Variants in GAL3ST2 observed in about 807,000 individuals in gnomAD.
GAL3ST2 encodes the protein galactose-3-O-sulfotransferase 2.
Under a neutral mutation model 12.9 loss-of-function variants are expected in GAL3ST2, and 16 were observed. That is an observed-to-expected ratio of 1.24 (90% CI 0.84 to 1.88). The LOEUF is 1.88. Among genes scored for constraint, GAL3ST2 ranks in the 40% most tolerant of loss-of-function variants. GAL3ST2 has a pLI of 0.00. For synonymous variants in GAL3ST2, 302 were observed against 273.9 expected, an observed-to-expected ratio of 1.10 and a Z score of -1.01; for missense variants, 639 against 571.8, an observed-to-expected ratio of 1.12 and a Z score of -1.20.
Position 241,801,765 on chromosome 2 carries a change from G to A in GAL3ST2, c.120-16G>A, listed in dbSNP as rs1260031123. 4 of 1,609,432 alleles carry A rather than the reference G, an allele frequency of 2.5e-6. No homozygotes were observed. The highest frequency in any genetic ancestry group is 3.4e-6 in the Non-Finnish European group (4 of 1,178,216). On this transcript the variant is annotated splice_polypyrimidine_tract_variant and intron_variant, in intron 2 of 3. Transcript: ENST00000192314. The surrounding 1 kb of genome is among the most constrained non-coding windows in gnomAD (Gnocchi z 4.4). The stretch of plus-strand genomic sequence containing the variant: ...TCTGCACCCTTGCTGAAGGCTGCGT[G>A]TGCCTTCCCTCCCAGCCTGTTTGGG...
intron 1 of GAL3ST2, among the ~76,000 whole-genome samples, chr2:241,782,628 G>A (rs554835938): frequency 3.2e-4 from 49 of 152,204 alleles, no homozygotes; most frequent in Admixed American, 2.6e-3. Context: ...GCCTGTCCCC[G>A]AGGGGTTGAA....
Position 241,804,035 on chromosome 2 carries a change from C to T in GAL3ST2, c.1066C>T (p.Pro356Ser). The change falls in exon 4 of 4, where the codon CCG (proline) becomes TCG (serine). Residue 356 changes from proline to serine, a missense_variant. By Grantham distance (74) the Pro-to-Ser change is moderately conservative (BLOSUM62 -1). Transcript: ENST00000192314. ...CGACATCCTGGGTTACAACCTCCGG[C>T]CGGGCCTGGACAACCAGACGCTGGG... The part of the protein sequence containing the change: ...KADILGYNLR[P>S]GLDNQTLGVC... The T allele has an allele frequency of 6.4e-7, 1 of 1,563,020 alleles. No homozygotes were observed. The highest frequency in any genetic ancestry group is 8.6e-7 in the Non-Finnish European group (1 of 1,156,306).
intron 1 of GAL3ST2, among the ~76,000 whole-genome samples, chr2:241,787,252 T>C (rs1030508073): frequency 1.3e-5 from 2 of 152,194 alleles, no homozygotes; most frequent in African/African-American, 2.4e-5. Context: ...ACACATGTGG[T>C]CAGGACTTCC....
At chr2:241,797,348 C>T (rs1427425799) in intron 1 of GAL3ST2, among the ~76,000 whole-genome samples, 2 of 152,168 alleles carry the variant, frequency 1.3e-5, no homozygotes, top group East Asian at 1.9e-4. Context: ...AGCCGATGTT[C>T]GTTATCGTGA....
chr2:241,801,176 T>C lies in GAL3ST2; in HGVS notation c.120-605T>C, dbSNP rs111941933. 0.15 allele frequency: 23,671 copies of C among 152,746 alleles called. 2,053 individuals are homozygous for C. Among genetic ancestry groups the C allele is most frequent in the African/African-American group, 0.22 (9,059 of 41,474 alleles). 9.5% of individuals were successfully genotyped at this position (152,746 alleles called of 1,614,324 possible). ...CCCTCTCTGTGTCCACGTGTTCTCA[T>C]TGTTCAAGTCCCACTTATGAGTGAG... is the stretch of plus-strand genomic sequence containing the variant. On this transcript the variant is annotated intron_variant, in intron 2 of 3. Transcript: ENST00000192314. The surrounding 1 kb of genome is among the most constrained non-coding windows in gnomAD (Gnocchi z 4.4).
chr2:241,801,650 C>T lies in GAL3ST2; in HGVS notation c.120-131C>T. 8.0e-6 allele frequency: 10 copies of T among 1,256,926 alleles called. No homozygotes were observed. In the South Asian group the frequency reaches 1.5e-4, roughly 19 times the overall value. 77.9% of individuals were successfully genotyped at this position (1,256,926 alleles called of 1,614,324 possible). On this transcript the variant is annotated intron_variant, in intron 2 of 3. Coordinates refer to ENST00000192314, the MANE Select transcript of GAL3ST2 (RefSeq NM_022134.3). The surrounding 1 kb of genome is among the most constrained non-coding windows in gnomAD (Gnocchi z 4.4). ...CATGGGTCGGTGCCTACCCAGTTGG[C>T]CCCCTGGCCTAGAGTTGGGGGGCTC... is the stretch of plus-strand genomic sequence containing the variant.
intron 2 of GAL3ST2, among the ~76,000 whole-genome samples, chr2:241,799,662 A>T (rs921727328): frequency 2.6e-5 from 4 of 152,130 alleles, no homozygotes; most frequent in African/African-American, 9.7e-5. Context: ...GGCTTTAGCC[A>T]GGCTGCTGGA....
intron 1 of GAL3ST2, among the ~76,000 whole-genome samples, chr2:241,783,690 T>C (rs1482476796): frequency 6.8e-6 from 1 of 146,994 alleles, no homozygotes; most frequent in African/African-American, 2.7e-5. Flanking sequence ...ATTTTAATCA[T>C]TTACTTATTT....
intron 1 of GAL3ST2, among the ~76,000 whole-genome samples, chr2:241,786,858 A>C (rs1189661408): frequency 6.6e-6 from 1 of 152,094 alleles, no homozygotes; most frequent in African/African-American, 2.4e-5. Flanking sequence ...ATAGGTCTAC[A>C]AAAGGAAAAT....
In GAL3ST2 at chr2:241,802,420, G is replaced by C. The variant is rs543516493; in HGVS notation, c.375+384G>C. ...CAGCATAGAGCCGGCTTCCCCCCAG[G>C]GCTTCCCTGACCTTCCTTACAAAGG... On this transcript the variant is annotated intron_variant, in intron 3 of 3. Transcript: ENST00000192314. This position sits in a 1 kb window ranked among gnomAD's most constrained non-coding sequence, Gnocchi z 4.8. Among the ~76,000 whole-genome samples, 100 of 152,286 alleles carry C rather than the reference G, an allele frequency of 6.6e-4. No homozygotes were observed. Among genetic ancestry groups the C allele is most frequent in the Non-Finnish European group, 1.1e-3 (77 of 68,006 alleles).
At chr2:241,803,323 C>T in intron 3 of GAL3ST2, 22 bp from the exon 4 acceptor site, 1 of 1,563,110 alleles carries the variant, frequency 6.4e-7, no homozygotes. Flanking sequence ...GGTCCGCAGC[C>T]CGCCTCTCTG....
chr2:241,785,371 A>C (rs191942753), intron 1 of GAL3ST2, among the ~76,000 whole-genome samples: 98 of 152,062 alleles, frequency 6.4e-4, no homozygotes, highest in Non-Finnish European at 9.9e-4. Flanking sequence ...GGCCAACATG[A>C]TGAAACCTTG....
In GAL3ST2 at chr2:241,803,614, C is replaced by G. The variant is rs765683875; in HGVS notation, c.645C>G (p.Ala215=). Reference sequence around the variant, plus strand: ...AGGGCTACGTGCGCGCGCGCATCGCCGAGGTGGAGCGGCGCTTCCGGCTGG... The same window carrying G: ...AGGGCTACGTGCGCGCGCGCATCGCGGAGGTGGAGCGGCGCTTCCGGCTGG... ...CEEGYVRARI[A]EVERRFRLVL... Residue 215 remains alanine, a synonymous_variant, in exon 4 of 4, where the codon GCC becomes GCG. Coordinates refer to ENST00000192314, the MANE Select transcript of GAL3ST2 (RefSeq NM_022134.3). 3.2e-6 allele frequency: 5 copies of G among 1,560,002 alleles called. No individual in the cohort carries two copies. Among genetic ancestry groups the G allele is most frequent in the East Asian group, 4.8e-5 (2 of 41,754 alleles).
intron 1 of GAL3ST2, among the ~76,000 whole-genome samples, chr2:241,787,034 A>T (rs1327302902): frequency 2.0e-5 from 3 of 152,176 alleles, no homozygotes; most frequent in Admixed American, 2.0e-4. Flanking sequence ...AGAGAGGGTA[A>T]TCAGAAACTC....
In GAL3ST2 at chr2:241,802,826, G is replaced by A. The variant is rs1473677124; in HGVS notation, c.376-519G>A. On this transcript the variant is annotated intron_variant, in intron 3 of 3. Transcript: ENST00000192314. This position sits in a 1 kb window ranked among gnomAD's most constrained non-coding sequence, Gnocchi z 4.8. ...CCAGGACCTCTGAGGGGGCACAAGC[G>A]AGGGTGAGTCCAGACCCACCCTGTG... Among the ~76,000 whole-genome samples the A allele has an allele frequency of 6.6e-6, 1 of 152,128 alleles. No individual in the cohort carries two copies. The highest frequency in any genetic ancestry group is 1.5e-5 in the Non-Finnish European group (1 of 68,002).
At chr2:241,779,520 A>C (rs1477566001) in intron 1 of GAL3ST2, among the ~76,000 whole-genome samples, 1 of 148,578 alleles carries the variant, frequency 6.7e-6, no homozygotes, top group African/African-American at 2.5e-5. Context: ...GGCGTGAGCC[A>C]CCGTGCCCGG....
intron 2 of GAL3ST2, 87 bp downstream of exon 2, chr2:241,799,241 C>T (rs1315208811): frequency 1.7e-6 from 2 of 1,163,052 alleles, no homozygotes; most frequent in Admixed American, 3.5e-5. Flanking sequence ...ATGATCACGC[C>T]CCCCACTGGG....
intron 1 of GAL3ST2, among the ~76,000 whole-genome samples, chr2:241,787,539 C>CCT (rs1373487392): frequency 8.5e-6 from 1 of 118,128 alleles, no homozygotes; most frequent in African/African-American, 4.6e-5. Flanking sequence ...AACTTCTCCT[C>CCT]CTTTTTTTTT....
At chr2:241,797,500 A>G (rs1262454100) in intron 1 of GAL3ST2, among the ~76,000 whole-genome samples, 2 of 152,170 alleles carry the variant, frequency 1.3e-5, no homozygotes, top group Admixed American at 1.3e-4. Context: ...CCTTTCTCCA[A>G]AAGGAGAGGA....
Sources: gnomAD v4.1 joint callset for allele counts (sites outside exome capture counted in the v4.1 genomes callset) on GRCh38, gnomAD v4.1.1 for gene constraint, Gnocchi (gnomAD v3.1) non-coding constraint, MANE v1.5 for transcripts, NCBI Gene and HGNC (gene_info 2026-07-23, HGNC 2026-07-21) for gene names.